The following PRKCZ variants were observed in gnomAD, a reference collection of about 807,000 sequenced individuals.
The protein encoded by PRKCZ is protein kinase C zeta type.
In PRKCZ, 33 loss-of-function variants were observed where a neutral mutation model predicts 79.5. The observed-to-expected ratio is 0.41, with a 90% CI of 0.31 to 0.55. PRKCZ has a LOEUF of 0.55. Among genes scored for constraint, PRKCZ ranks in the 20% least tolerant of loss-of-function variants. The probability of loss-of-function intolerance (pLI) is 0.19; values close to 1 mark genes in which losing one functional copy is unlikely to be tolerated. For synonymous variants in PRKCZ, 342 were observed against 320.9 expected (o/e 1.07, Z -0.70); for missense variants, 578 against 813.5 (o/e 0.71, Z 3.52).
At chr1:2,108,624 C>T (rs183760306) in intron 4 of PRKCZ, among the ~76,000 whole-genome samples, 80 of 152,320 alleles carry the variant, frequency 5.3e-4, no homozygotes, top group Non-Finnish European at 2.8e-4. Context: ...CAGCCATGTC[C>T]CCAGGACTCT....
chr1:2,096,130 G>A (rs972121043), intron 4 of PRKCZ, among the ~76,000 whole-genome samples: 1 of 151,720 alleles, frequency 6.6e-6, no homozygotes, highest in African/African-American at 2.4e-5. Context: ...AAGCAGATGG[G>A]GACCTCGGCT....
intron 6 of PRKCZ, chr1:2,144,552 C>A: frequency 5.0e-6 from 7 of 1,402,972 alleles, no homozygotes; most frequent in Non-Finnish European, 6.5e-6. Flanking sequence ...ACACTCTGCT[C>A]ATTGGGGCAT....
chr1:2,154,056 G>A (rs1171344991), intron 9 of PRKCZ, among the ~76,000 whole-genome samples: 3 of 152,212 alleles, frequency 2.0e-5, no homozygotes, highest in African/African-American at 7.2e-5. Context: ...TGAGTGATAT[G>A]TGGGTCATGA....
intron 4 of PRKCZ, among the ~76,000 whole-genome samples, chr1:2,129,765 G>C (rs1674606471): frequency 6.6e-6 from 1 of 152,176 alleles, no homozygotes; most frequent in South Asian, 2.1e-4. Flanking sequence ...CTTCCTCTCA[G>C]CCTCCATAGG....
intron 4 of PRKCZ, among the ~76,000 whole-genome samples, chr1:2,106,223 C>G (rs1668382562): frequency 6.6e-6 from 1 of 152,246 alleles, no homozygotes; most frequent in Non-Finnish European, 1.5e-5. Context: ...GGAGGTGGAG[C>G]TCCAGCCAAG....
At chr1:2,118,214 C>G (rs906182178) in intron 4 of PRKCZ, among the ~76,000 whole-genome samples, 2 of 151,672 alleles carry the variant, frequency 1.3e-5, no homozygotes, top group African/African-American at 2.4e-5. Flanking sequence ...CCAAGCTGGT[C>G]TTGAACCCCT....
rs540960279 is a variant in PRKCZ, at chr1:2,128,476, C to G, written c.335-6786C>G. On this transcript the variant is annotated intron_variant, in intron 4 of 17. Coordinates refer to ENST00000378567, the MANE Select transcript of PRKCZ (RefSeq NM_002744.6). The surrounding 1 kb of genome is among the most constrained non-coding windows in gnomAD (Gnocchi z 6.5). ...GTTTTCTACGTCTTGTCAGAGTGCT[C>G]AAGGCGCGAGATTGCCATGGAAACT... 2.6e-5 allele frequency among the ~76,000 whole-genome samples: 4 copies of G among 152,358 alleles called. No homozygotes were observed. The South Asian group carries it at 8.3e-4, about 32-fold the overall frequency.
Position 2,075,084 on chromosome 1 carries a change from C to G in PRKCZ, c.334+15493C>G, listed in dbSNP as rs1445933231. 1 of 152,162 alleles carries G rather than the reference C, an allele frequency of 6.6e-6. No homozygotes were observed. 9.4% of individuals were successfully genotyped at this position (152,162 alleles called of 1,614,324 possible). A position where few individuals can be genotyped will look rare whatever the true frequency, so the allele number is the denominator to read the frequency against. On this transcript the variant is annotated intron_variant, in intron 4 of 17. Transcript: ENST00000378567. The surrounding 1 kb of genome is among the most constrained non-coding windows in gnomAD (Gnocchi z 4.8). ...CAGACGCAGGGCTGCTCCGCACAGC[C>G]AGCTTGGGCCGCAGGGGTCCTTGAG...
rs372528398 is a variant in PRKCZ, at chr1:2,173,958, C to T, written c.1347C>T (p.Ser449=). The part of the protein sequence containing the change: ...VLMFEMMAGR[S]PFDIITDNPD... ...TGTTTGAGATGATGGCCGGGCGCTC[C>T]CCGTTCGACATCATCACCGACAACC... Residue 449 remains serine, a synonymous_variant, in exon 14 of 18, where the codon TCC becomes TCT. Coordinates refer to ENST00000378567, the MANE Select transcript of PRKCZ (RefSeq NM_002744.6). The surrounding 1 kb of genome is among the most constrained non-coding windows in gnomAD (Gnocchi z 5.7). 1.2e-6 allele frequency: 2 copies of T among 1,612,780 alleles called. No individual in the cohort carries two copies. Among genetic ancestry groups the T allele is most frequent in the African/African-American group, 2.7e-5 (2 of 74,994 alleles).
intron 4 of PRKCZ, among the ~76,000 whole-genome samples, chr1:2,124,820 T>G (rs1571627405): frequency 6.6e-6 from 1 of 151,838 alleles, no homozygotes; most frequent in East Asian, 1.9e-4. Flanking sequence ...CGCATCTCTC[T>G]GGCAACACCT....
intron 10 of PRKCZ, among the ~76,000 whole-genome samples, chr1:2,163,831 G>A (rs546757269): frequency 6.2e-4 from 94 of 152,146 alleles, no homozygotes; most frequent in Admixed American, 9.8e-4. Context: ...CCCGGGAGGC[G>A]GAGCTTGCAG....
At chr1:2,142,502 G>T in intron 5 of PRKCZ, 1 of 296,520 alleles carries the variant, frequency 3.4e-6, no homozygotes, top group Admixed American at 5.0e-5. Context: ...AGCAGGTGCC[G>T]ACTGGGGCAA....
intron 11 of PRKCZ, among the ~76,000 whole-genome samples, chr1:2,170,543 T>C (rs1280891738): frequency 1.3e-5 from 2 of 152,216 alleles, no homozygotes; most frequent in African/African-American, 2.4e-5. Context: ...TCAGTGGCGT[T>C]GAATGCACCC....
chr1:2,159,812 G>A (rs1409650102), intron 10 of PRKCZ, among the ~76,000 whole-genome samples: 1 of 152,182 alleles, frequency 6.6e-6, no homozygotes, highest in African/African-American at 2.4e-5. Flanking sequence ...TTTCCAGACA[G>A]CAGCCAAAAT....
At chr1:2,130,204 C>A (rs1440918783) in intron 4 of PRKCZ, among the ~76,000 whole-genome samples, 1 of 152,222 alleles carries the variant, frequency 6.6e-6, no homozygotes, top group Non-Finnish European at 1.5e-5. Flanking sequence ...CCACGCCTGG[C>A]CAAAAGGTGT....
intron 5 of PRKCZ, chr1:2,143,645 A>G (rs914006163): frequency 2.6e-5 from 4 of 152,350 alleles, no homozygotes; most frequent in Non-Finnish European, 5.9e-5. Context: ...GTTCAGAACC[A>G]TGAAGAATAA....
chr1:2,169,291 C>T (rs552517359), intron 10 of PRKCZ: 3 of 574,698 alleles, frequency 5.2e-6, no homozygotes, highest in South Asian at 1.5e-5. Flanking sequence ...TGAAGGCCGG[C>T]GAGGCCCCCG....
chr1:2,053,614 G>A (rs981880134), intron 1 of PRKCZ, among the ~76,000 whole-genome samples: 2 of 152,208 alleles, frequency 1.3e-5, no homozygotes, highest in African/African-American at 4.8e-5. Context: ...AAGCCCTGGG[G>A]TTTTACTGGA....
rs1557728804 is a variant in PRKCZ at position 2,169,532 on chromosome 1, T to C, written c.989T>C (p.Ile330Thr). 6.5e-7 allele frequency: 1 copy of C among 1,545,952 alleles called. No individual in the cohort carries two copies. The highest frequency in any genetic ancestry group is 8.7e-7 in the Non-Finnish European group (1 of 1,143,448). ...TCTCCCTGCAGGTTGTTCCTGGTCA[T>C]TGAGTACGTCAACGGCGGGGACCTG... The part of the protein sequence containing the change: ...FQTTSRLFLV[I>T]EYVNGGDLMF... The change falls in exon 11 of 18, where the codon ATT becomes ACT. Residue 330 changes from isoleucine (I) to threonine (T), a missense_variant. Ile to Thr is a moderately conservative substitution (Grantham distance 89). Around this residue, in one of 4 missense-constraint regions of PRKCZ, gnomAD observed 243 missense variants for 467.0 expected, o/e 0.52. Coordinates refer to ENST00000378567, the MANE Select transcript of PRKCZ (RefSeq NM_002744.6).
Sources: allele counts gnomAD v4.1 joint callset (sites outside exome capture counted in the v4.1 genomes callset), GRCh38; gene constraint gnomAD v4.1.1; regional missense constraint gnomAD v4.1.1; non-coding constraint Gnocchi (gnomAD v3.1); transcripts MANE v1.5; gene names NCBI Gene and HGNC (gene_info 2026-07-23, HGNC 2026-07-21).